Variants in RPN2 observed in about 807,000 individuals in gnomAD.
RPN2 encodes the protein dolichyl-diphosphooligosaccharide--protein glycosyltransferase subunit 2.
A neutral mutation model predicts 71.4 loss-of-function variants in RPN2; 29 were observed. The observed-to-expected ratio is 0.41, with a 90% CI of 0.30 to 0.55. The LOEUF (loss-of-function observed/expected upper bound fraction) is 0.55. Among genes scored for constraint, RPN2 ranks in the 20% least tolerant of loss-of-function variants. RPN2 has a pLI of 0.35. For missense variants in RPN2, 726 were observed against 774.1 expected, an observed-to-expected ratio of 0.94 and a Z score of 0.74; for synonymous variants, 308 against 305.0, an observed-to-expected ratio of 1.01 and a Z score of -0.10.
chr20:37,194,423 G>C (rs1270725734), intron 2 of RPN2, among the ~76,000 whole-genome samples: 1 of 152,052 alleles, frequency 6.6e-6, no homozygotes, highest in Non-Finnish European at 1.5e-5. Flanking sequence ...CCCCACGCCT[G>C]GCTAATTTTT....
At chr20:37,183,354 TA>T (rs1272030320) in intron 1 of RPN2, among the ~76,000 whole-genome samples, 1 of 152,182 alleles carries the variant, frequency 6.6e-6, no homozygotes, top group Non-Finnish European at 1.5e-5. Flanking sequence ...TAGCTGGGAT[TA>T]CAGGCACCTG....
intron 2 of RPN2, among the ~76,000 whole-genome samples, chr20:37,187,096 A>G (rs1169419995): frequency 6.6e-6 from 1 of 152,214 alleles, no homozygotes; most frequent in East Asian, 1.9e-4. Flanking sequence ...TCTATCGCTT[A>G]TAAATAGTAT....
At chr20:37,229,359 T>C (rs965656992) in intron 12 of RPN2, among the ~76,000 whole-genome samples, 10 of 152,038 alleles carry the variant, frequency 6.6e-5, no homozygotes, top group South Asian at 4.1e-4. Context: ...GGGGTGATCA[T>C]TGGGGAAGGG....
At chr20:37,181,484 A>G (rs1376618921) in intron 1 of RPN2, among the ~76,000 whole-genome samples, 1 of 143,756 alleles carries the variant, frequency 7.0e-6, no homozygotes, top group Non-Finnish European at 1.5e-5. Context: ...CAGTGGCACG[A>G]TCTCAGCTCA....
In RPN2 at chr20:37,179,365, G is replaced by A; in HGVS notation, c.9G>A (p.Pro3=). The A allele has an allele frequency of 4.6e-6, 7 of 1,532,318 alleles. No individual in the cohort carries two copies. The highest frequency in any genetic ancestry group is 6.1e-6 in the Non-Finnish European group (7 of 1,139,030). 94.9% of individuals were successfully genotyped at this position (1,532,318 alleles called of 1,614,324 possible). A position where few individuals can be genotyped will look rare whatever the true frequency, so the allele number is the denominator to read the frequency against. The change falls in exon 1 of 17, where the codon CCG becomes CCA. Residue 3 remains proline, a synonymous_variant. Coordinates refer to ENST00000237530, the MANE Select transcript of RPN2 (RefSeq NM_002951.5). MA[P]PGSSTVFLLA... The stretch of plus-strand genomic sequence containing the variant: ...GGGACCTGCTCGGAGGAATGGCGCC[G>A]CCGGGTGAGGAGTTGCGCGTGGCTT...
chr20:37,200,268 C>T (rs938796724), intron 4 of RPN2, among the ~76,000 whole-genome samples: 6 of 152,174 alleles, frequency 3.9e-5, no homozygotes, highest in Non-Finnish European at 7.3e-5. Context: ...GGATTACAGG[C>T]GTGAGCCACA....
intron 7 of RPN2, 99 bp downstream of exon 7, chr20:37,207,548 C>T: frequency 9.0e-7 from 1 of 1,112,532 alleles, no homozygotes; most frequent in Non-Finnish European, 1.4e-6. Flanking sequence ...ACAGCCCCTA[C>T]AAGGACATAC....
At chr20:37,216,917 C>T (rs1377849105) in intron 9 of RPN2, among the ~76,000 whole-genome samples, 1 of 126,942 alleles carries the variant, frequency 7.9e-6, no homozygotes, top group Non-Finnish European at 1.7e-5. Context: ...ATATGCATTG[C>T]TTTTTCTTTT....
rs564203418 is a variant in RPN2 at position 37,213,930 on chromosome 20, C to G, written c.1092+65C>G. On this transcript the variant is annotated intron_variant, in intron 9 of 16. Coordinates refer to ENST00000237530, the MANE Select transcript of RPN2 (RefSeq NM_002951.5). ...ATCCAAGGATATGGCCAAATTGACACAGTATTAATTGTCTGGTGCATTGAC... is the reference window on the plus strand; with the variant it reads ...ATCCAAGGATATGGCCAAATTGACAGAGTATTAATTGTCTGGTGCATTGAC... 21 of 1,173,054 alleles carry G rather than the reference C, an allele frequency of 1.8e-5. No individual in the cohort carries two copies. In the Admixed American group the frequency reaches 3.2e-4, roughly 18 times the overall value. The allele number at this position is 1,173,054 out of a possible 1,614,324, so 72.7% of individuals were successfully genotyped here.
intron 2 of RPN2, among the ~76,000 whole-genome samples, chr20:37,187,010 A>G (rs1600735983): frequency 6.6e-6 from 1 of 152,192 alleles, no homozygotes; most frequent in African/African-American, 2.4e-5. Flanking sequence ...TGGACTTCCT[A>G]TTAATAGATA....
intron 6 of RPN2, among the ~76,000 whole-genome samples, chr20:37,206,639 T>C (rs1329513557): frequency 6.6e-6 from 1 of 152,212 alleles, no homozygotes; most frequent in Non-Finnish European, 1.5e-5. Context: ...ATTACTATTA[T>C]ATATATTTCA....
chr20:37,234,582 C>T (rs1347670314), intron 15 of RPN2, among the ~76,000 whole-genome samples: 1 of 152,186 alleles, frequency 6.6e-6, no homozygotes, highest in Admixed American at 6.5e-5. Flanking sequence ...CTAAACATAA[C>T]AAGACAGTAA....
At chr20:37,204,295 C>T (rs1363996717) in intron 5 of RPN2, among the ~76,000 whole-genome samples, 2 of 152,180 alleles carry the variant, frequency 1.3e-5, no homozygotes, top group Non-Finnish European at 2.9e-5. Flanking sequence ...TTCACAGGCA[C>T]GTTGGTTGCC....
chr20:37,185,023 G>A (rs138742027), intron 2 of RPN2, among the ~76,000 whole-genome samples: 2 of 152,140 alleles, frequency 1.3e-5, no homozygotes, highest in Non-Finnish European at 1.5e-5. Flanking sequence ...ATTCAAGGTG[G>A]AAGGCACTCA....
intron 2 of RPN2, among the ~76,000 whole-genome samples, chr20:37,197,407 T>G (rs2067278249): frequency 1.3e-5 from 2 of 152,240 alleles, no homozygotes; most frequent in South Asian, 4.1e-4. Context: ...AAGGGCCTGC[T>G]GTAAGGCAGT....
intron 7 of RPN2, among the ~76,000 whole-genome samples, chr20:37,207,752 G>A (rs1375266184): frequency 6.6e-6 from 1 of 152,090 alleles, no homozygotes; most frequent in Non-Finnish European, 1.5e-5. Context: ...CATGATTTTG[G>A]TTCACTGCTG....
At chr20:37,220,976 G>A (rs2067940096) in intron 9 of RPN2, among the ~76,000 whole-genome samples, 1 of 152,162 alleles carries the variant, frequency 6.6e-6, no homozygotes, top group African/African-American at 2.4e-5. Context: ...CAAGAATGAT[G>A]CAAGTTCACT....
chr20:37,236,645 G>T lies in RPN2; in HGVS notation c.1819G>T (p.Ala607Ser). The T allele has an allele frequency of 1.9e-6, 3 of 1,614,044 alleles. No homozygotes were observed. Among genetic ancestry groups the T allele is most frequent in the Non-Finnish European group, 2.5e-6 (3 of 1,179,912 alleles). Residue 607 changes from alanine (A) to serine (S), a missense_variant, in exon 16 of 17, where the codon GCC (alanine) becomes TCC (serine). Coordinates refer to ENST00000237530, the MANE Select transcript of RPN2 (RefSeq NM_002951.5). The part of the protein sequence containing the change: ...LNMFQTLKYL[A>S]ILGSVTFLAG... ...CATGTTCCAGACCTTGAAGTACCTG[G>T]CCATCCTGGGCAGTGTGACGTTTCT...
At chr20:37,231,492 G>A (rs2068244693) in intron 13 of RPN2, among the ~76,000 whole-genome samples, 1 of 152,134 alleles carries the variant, frequency 6.6e-6, no homozygotes, top group Admixed American at 6.6e-5. Context: ...GCAGGGCCAA[G>A]GAGGGAGGAT....
Sources: gnomAD v4.1 joint callset for allele counts (sites outside exome capture counted in the v4.1 genomes callset) on GRCh38, gnomAD v4.1.1 for gene constraint, MANE v1.5 for transcripts, NCBI Gene and HGNC (gene_info 2026-07-23, HGNC 2026-07-21) for gene names.